Variants in XKR9 observed in about 807,000 individuals in gnomAD.
XKR9 encodes XK-related protein 9.
Under a neutral mutation model 32.0 loss-of-function variants are expected in XKR9, and 32 were observed. That is an observed-to-expected ratio of 1.00 (90% CI 0.76 to 1.34). The LOEUF (loss-of-function observed/expected upper bound fraction) is 1.34. XKR9 is among the 40% of genes most tolerant of loss of function. The probability of loss-of-function intolerance (pLI) is 0.00; values close to 1 mark genes in which losing one functional copy is unlikely to be tolerated. For synonymous variants in XKR9, 168 were observed against 143.4 expected, an observed-to-expected ratio of 1.17 and a Z score of -1.22; for missense variants, 546 against 429.7, an observed-to-expected ratio of 1.27 and a Z score of -2.39.
the XKR9 span, among the ~76,000 whole-genome samples, chr8:70,859,321 T>C: frequency 7.9e-5 from 12 of 152,074 alleles, no homozygotes. Context: ...TCCAGTTAAA[T>C]GTCTTTTATC....
intron 4 of XKR9, among the ~76,000 whole-genome samples, chr8:70,730,217 A>AT (rs1325712492): frequency 2.0e-5 from 3 of 152,182 alleles, no homozygotes; most frequent in Non-Finnish European, 4.4e-5. Flanking sequence ...ATCTTTTAAT[A>AT]TTACATAAAA....
chr8:70,723,745 C>G (rs941394695), intron 4 of XKR9, among the ~76,000 whole-genome samples: 39 of 152,124 alleles, frequency 2.6e-4, no homozygotes, highest in African/African-American at 8.7e-4. Context: ...TATGAGGTGT[C>G]TGTCAACCCC....
the XKR9 span, among the ~76,000 whole-genome samples, chr8:71,036,641 G>A: frequency 0.028 from 4,207 of 152,136 alleles, 73 homozygotes; most frequent in Middle Eastern, 0.071. Flanking sequence ...GACTAAATGA[G>A]TTAGTGCATA....
chr8:70,821,282 G>T, the XKR9 span, among the ~76,000 whole-genome samples: 3 of 152,234 alleles, frequency 2.0e-5, no homozygotes, highest in Non-Finnish European at 4.4e-5. Flanking sequence ...GATGCAAGAG[G>T]TGGGCTACCA....
intron 2 of XKR9, among the ~76,000 whole-genome samples, chr8:70,755,772 G>T (rs1807214322): frequency 7.0e-6 from 1 of 143,604 alleles, no homozygotes; most frequent in East Asian, 2.2e-4. Context: ...GGTGGGGGGA[G>T]GGGGGGAGGG....
At chr8:70,723,734 G>T (rs909115850) in intron 4 of XKR9, among the ~76,000 whole-genome samples, 1 of 152,084 alleles carries the variant, frequency 6.6e-6, no homozygotes, top group Non-Finnish European at 1.5e-5. Flanking sequence ...GAGCTCTACT[G>T]TATGAGGTGT....
intron 4 of XKR9, among the ~76,000 whole-genome samples, chr8:70,714,510 C>G (rs1184312805): frequency 6.6e-6 from 1 of 151,824 alleles, no homozygotes; most frequent in African/African-American, 2.4e-5. Context: ...AAAAATAATT[C>G]AATCTTTTCT....
chr8:70,917,924 T>C, the XKR9 span, among the ~76,000 whole-genome samples: 1 of 152,220 alleles, frequency 6.6e-6, no homozygotes, highest in Non-Finnish European at 1.5e-5. Context: ...AGATAATCCA[T>C]GCCCCACACT....
chr8:70,882,299 T>C, the XKR9 span, among the ~76,000 whole-genome samples: 1 of 151,772 alleles, frequency 6.6e-6, no homozygotes, highest in African/African-American at 2.4e-5. Flanking sequence ...TTTACAAAAA[T>C]ATTTGTATTA....
the XKR9 span, among the ~76,000 whole-genome samples, chr8:70,952,452 C>T: frequency 3.3e-5 from 5 of 152,240 alleles, no homozygotes; most frequent in Admixed American, 2.6e-4. Flanking sequence ...CTTTCTTGTC[C>T]TCTCTGCCTC....
At chr8:70,732,207 A>C (rs754131107) in intron 4 of XKR9, among the ~76,000 whole-genome samples, 1 of 152,184 alleles carries the variant, frequency 6.6e-6, no homozygotes, top group African/African-American at 2.4e-5. Context: ...GGGCTACCGA[A>C]CCATTTGGGA....
the XKR9 span, among the ~76,000 whole-genome samples, chr8:71,052,447 T>C: frequency 6.6e-6 from 1 of 152,138 alleles, no homozygotes; most frequent in Middle Eastern, 3.2e-3. Flanking sequence ...AGACACTATC[T>C]CATTACTCTT....
At chr8:70,777,853 GC>G (rs1162522109) in intron 2 of XKR9, among the ~76,000 whole-genome samples, 1 of 151,944 alleles carries the variant, frequency 6.6e-6, no homozygotes, top group Admixed American at 6.6e-5. Context: ...CTGGATAATA[GC>G]CCTTTGTCAG....
At chr8:70,748,735 C>A (rs1247365842) in intron 2 of XKR9, among the ~76,000 whole-genome samples, 1 of 152,174 alleles carries the variant, frequency 6.6e-6, no homozygotes, top group Non-Finnish European at 1.5e-5. Flanking sequence ...GGAGGCCAGG[C>A]TGTCAGTTCT....
the XKR9 span, among the ~76,000 whole-genome samples, chr8:70,998,345 CT>C: frequency 3.9e-5 from 6 of 152,190 alleles, no homozygotes. Flanking sequence ...TGGTGAAGTG[CT>C]TCCTCTACTG....
intron 2 of XKR9, among the ~76,000 whole-genome samples, chr8:70,757,023 C>G (rs1235819504): frequency 6.6e-6 from 1 of 151,988 alleles, no homozygotes; most frequent in Non-Finnish European, 1.5e-5. Flanking sequence ...TCCTCCTACT[C>G]CTATTTATTG....
chr8:70,858,733 G>T, the XKR9 span, among the ~76,000 whole-genome samples: 226 of 151,970 alleles, frequency 1.5e-3, 2 homozygotes, highest in East Asian at 0.04. Context: ...TTTGACAAAG[G>T]TATCAAGAAC....
At chr8:70,918,916 T>C in the XKR9 span, among the ~76,000 whole-genome samples, 1 of 151,360 alleles carries the variant, frequency 6.6e-6, no homozygotes, top group Non-Finnish European at 1.5e-5. Flanking sequence ...TAGCTGTGAC[T>C]ACAGGCGCCC....
the XKR9 span, among the ~76,000 whole-genome samples, chr8:71,047,106 C>T: frequency 6.6e-6 from 1 of 152,248 alleles, no homozygotes; most frequent in African/African-American, 2.4e-5. Flanking sequence ...TATATACAAA[C>T]AAATGAAAAA....
Sources: gnomAD v4.1 joint callset for allele counts (sites outside exome capture counted in the v4.1 genomes callset) on GRCh38, gnomAD v4.1.1 for gene constraint, MANE v1.5 for transcripts, NCBI Gene and HGNC (gene_info 2026-07-23, HGNC 2026-07-21) for gene names.